Variants in CLEC17A observed in about 807,000 individuals in gnomAD.
CLEC17A encodes the protein C-type lectin domain family 17, member A.
In CLEC17A, 37 loss-of-function variants were observed where a neutral mutation model predicts 61.3. That is an observed-to-expected ratio of 0.60 (90% CI 0.46 to 0.79). CLEC17A has a LOEUF of 0.79. Ranked by LOEUF, CLEC17A falls within the 30% of genes least tolerant of loss-of-function variation. The pLI, the probability that CLEC17A is intolerant of heterozygous loss-of-function variation, is 0.00. For missense variants in CLEC17A, 418 were observed against 464.7 expected, an observed-to-expected ratio of 0.90 and a Z score of 0.92; for synonymous variants, 168 against 164.9, an observed-to-expected ratio of 1.02 and a Z score of -0.14.
At chr19:14,584,603 C>T (rs1453134059) in intron 2 of CLEC17A, among the ~76,000 whole-genome samples, 5 of 152,116 alleles carry the variant, frequency 3.3e-5, no homozygotes, top group African/African-American at 4.8e-5. Context: ...AAAGTGGGGC[C>T]ACCTGGGAGG....
At chr19:14,599,839 G>C in intron 11 of CLEC17A, 27 bp downstream of exon 11, 1 of 1,588,718 alleles carries the variant, frequency 6.3e-7, no homozygotes, top group South Asian at 1.1e-5. Flanking sequence ...GAATTGCCCA[G>C]GGATGGGGGG....
At chr19:14,590,482 G>A (rs1327877127) in intron 3 of CLEC17A, among the ~76,000 whole-genome samples, 3 of 151,336 alleles carry the variant, frequency 2.0e-5, no homozygotes, top group African/African-American at 7.3e-5. Flanking sequence ...TCTGCCTCCC[G>A]GGTTCAAGTG....
chr19:14,604,183 C>T (rs926770056), intron 12 of CLEC17A, among the ~76,000 whole-genome samples: 2 of 152,172 alleles, frequency 1.3e-5, no homozygotes, highest in African/African-American at 4.8e-5. Context: ...TGACACCTCC[C>T]TGGGGCTTTA....
chr19:14,595,200 A>C, intron 7 of CLEC17A, 74 bp from the exon 8 acceptor site: 1 of 1,556,916 alleles, frequency 6.4e-7, no homozygotes, highest in East Asian at 2.2e-5. Context: ...CAGAGAACAA[A>C]ACAGAGGTTG....
chr19:14,607,428 C>G (rs1450132753), intron 13 of CLEC17A, among the ~76,000 whole-genome samples: 1 of 151,780 alleles, frequency 6.6e-6, no homozygotes, highest in Non-Finnish European at 1.5e-5. Context: ...TGGTCTTGAT[C>G]TCCTGACCTC....
Position 14,607,047 on chromosome 19 carries a change from G to T in CLEC17A, c.949G>T (p.Asp317Tyr). The change falls in exon 13 of 14, where the codon GAC (aspartate) becomes TAC (tyrosine). Residue 317 changes from aspartate (D) to tyrosine (Y), a missense_variant. Asp to Tyr is a radical substitution (Grantham distance 160). Transcript: ENST00000417570. The part of the protein sequence containing the change: ...SPRVYWLGLN[D>Y]RAQEGDWRWL... ...ACGGGTGTACTGGCTGGGGCTGAAT[G>T]ACAGGGCCCAGGAAGGGGACTGGAG... 7.4e-7 allele frequency: 1 copy of T among 1,354,866 alleles called. No homozygotes were observed. The highest frequency in any genetic ancestry group is 1.8e-5 in the South Asian group (1 of 55,818). The allele number at this position is 1,354,866 out of a possible 1,614,324, so 83.9% of individuals were successfully genotyped here. A position where few individuals can be genotyped will look rare whatever the true frequency, so the allele number is the denominator to read the frequency against.
At chr19:14,596,677 A>G (rs942524228) in intron 8 of CLEC17A, among the ~76,000 whole-genome samples, 199 bp from the exon 9 acceptor site, 3 of 152,170 alleles carry the variant, frequency 2.0e-5, no homozygotes, top group African/African-American at 7.2e-5. Context: ...CATGATGCTT[A>G]GCGCACCGTA....
chr19:14,583,251 C>G (rs752621957), intron 1 of CLEC17A, 48 bp downstream of exon 1: 18 of 1,613,434 alleles, frequency 1.1e-5, no homozygotes, highest in Non-Finnish European at 1.5e-5. Flanking sequence ...TGGTCAGGAC[C>G]CAGGGTACAG....
At position 14,596,865 on chromosome 19, in the gene CLEC17A, C is replaced by A; in HGVS notation, c.446-11C>A. On this transcript the variant is annotated splice_polypyrimidine_tract_variant and intron_variant, in intron 8 of 13. Coordinates refer to ENST00000417570, the MANE Select transcript of CLEC17A (RefSeq NM_001204118.2). Reference sequence around the variant, plus strand: ...AGTATCAGTCTCTCTGTTCCCATCCCCACTCCCCAGCAACTCCAGTCCCCT... The same window carrying A: ...AGTATCAGTCTCTCTGTTCCCATCCACACTCCCCAGCAACTCCAGTCCCCT... 6.2e-7 allele frequency: 1 copy of A among 1,607,688 alleles called. No individual in the cohort carries two copies. Among genetic ancestry groups the A allele is most frequent in the Non-Finnish European group, 8.5e-7 (1 of 1,177,566 alleles).
rs371803480 is a variant in CLEC17A at position 14,587,676 on chromosome 19, C to T, written c.184C>T (p.Leu62Phe). The T allele has an allele frequency of 2.9e-5, 47 of 1,606,082 alleles. No homozygotes were observed. In the African/African-American group the frequency reaches 3.7e-4, roughly 13 times the overall value. Residue 62 changes from leucine (L) to phenylalanine (F), a missense_variant, in exon 3 of 14, where the codon CTT (leucine) becomes TTT (phenylalanine). Transcript: ENST00000417570. ...GAACTCAACACCTCCCTACAAGGAC[C>T]TTCCTCCCAAGCCAGGTAAGAGGAC... ...YENSTPPYKD[L>F]PPKPGTMEEE...
At chr19:14,605,263 T>G (rs918630339) in intron 12 of CLEC17A, among the ~76,000 whole-genome samples, 1 of 152,030 alleles carries the variant, frequency 6.6e-6, no homozygotes, top group South Asian at 2.1e-4. Context: ...GCCTGGCTAA[T>G]TTTTGTATTT....
intron 7 of CLEC17A, 58 bp from the exon 8 acceptor site, chr19:14,595,216 C>A (rs1358125176): frequency 6.3e-7 from 1 of 1,592,716 alleles, no homozygotes; most frequent in Non-Finnish European, 8.6e-7. Flanking sequence ...GGTTGTTGAT[C>A]TTGGAAGACA....
chr19:14,598,766 C>T (rs115595676), intron 10 of CLEC17A, among the ~76,000 whole-genome samples: 6,322 of 152,112 alleles, frequency 0.042, 435 homozygotes, highest in African/African-American at 0.14. Flanking sequence ...TGAGCCACTG[C>T]GCCCGGCCTA....
At chr19:14,600,601 A>G (rs961601472) in intron 12 of CLEC17A, among the ~76,000 whole-genome samples, 17 of 146,140 alleles carry the variant, frequency 1.2e-4, no homozygotes, top group African/African-American at 4.4e-4. Flanking sequence ...TTTTTTTTTG[A>G]GATGGAGTCT....
intron 8 of CLEC17A, among the ~76,000 whole-genome samples, chr19:14,595,676 G>C (rs1015435936): frequency 7.0e-6 from 1 of 143,610 alleles, no homozygotes; most frequent in East Asian, 2.0e-4. Context: ...GGTAGAGGTA[G>C]TGATGGCGTT....
rs989723044 is a variant in CLEC17A, at chr19:14,599,903, C to A, written c.742+91C>A. On this transcript the variant is annotated intron_variant, in intron 11 of 13. Transcript: ENST00000417570. ...CCATTGAAGTCATTCTCAGTGCAGT[C>A]TATGTGAATGGTGCCCCTCCCCCTC... 5.2e-5 allele frequency: 77 copies of A among 1,487,566 alleles called. 3 individuals are homozygous for A. The Admixed American group carries it at 1.2e-3, about 24-fold the overall frequency. The allele number at this position is 1,487,566 out of a possible 1,614,324, so 92.1% of individuals were successfully genotyped here.
chr19:14,587,576 G>C (rs2074315534), intron 2 of CLEC17A, 38 bp from the exon 3 acceptor site: 1 of 1,542,020 alleles, frequency 6.5e-7, no homozygotes, highest in South Asian at 1.2e-5. Context: ...GGAGGGAGGA[G>C]GGAATGGCTG....
At chr19:14,600,412 A>G (rs2074674258) in intron 12 of CLEC17A, among the ~76,000 whole-genome samples, 1 of 152,190 alleles carries the variant, frequency 6.6e-6, no homozygotes, top group Non-Finnish European at 1.5e-5. Flanking sequence ...GTACATTTCA[A>G]GTATCGGTTT....
At chr19:14,581,973 G>A (rs989274426), upstream of CLEC17A, among the ~76,000 whole-genome samples, 1 of 152,090 alleles carries the variant, frequency 6.6e-6, no homozygotes, top group African/African-American at 2.4e-5. Context: ...TAGTTCTGGA[G>A]TCAGGAGACC....
Sources: allele counts gnomAD v4.1 joint callset (sites outside exome capture counted in the v4.1 genomes callset), GRCh38; gene constraint gnomAD v4.1.1; transcripts MANE v1.5; gene names NCBI Gene and HGNC (gene_info 2026-07-23, HGNC 2026-07-21).